The following MCMBP variants were observed in gnomAD, a reference collection of about 807,000 sequenced individuals.
The protein encoded by MCMBP is minichromosome maintenance complex binding protein.
In MCMBP, 31 loss-of-function variants were observed where a neutral mutation model predicts 81.3. The ratio of observed to expected loss-of-function variants is 0.38; its 90% CI spans 0.29 to 0.51. The LOEUF (loss-of-function observed/expected upper bound fraction) is 0.51. Ranked by LOEUF, MCMBP falls within the 20% of genes least tolerant of loss-of-function variation. The probability of loss-of-function intolerance (pLI) is 0.87; values close to 1 mark genes in which losing one functional copy is unlikely to be tolerated. For missense variants in MCMBP, 645 were observed against 772.1 expected (o/e 0.84, Z 1.95); for synonymous variants, 267 against 275.9 (o/e 0.97, Z 0.32).
intron 1 of MCMBP, among the ~76,000 whole-genome samples, chr10:119,870,160 T>A (rs1477817836): frequency 6.6e-6 from 1 of 152,158 alleles, no homozygotes; most frequent in African/African-American, 2.4e-5. Flanking sequence ...AAGGGAAAAA[T>A]TCAGGCTGCT....
chr10:119,829,987 A>G lies in MCMBP; in HGVS notation c.*1487T>C, dbSNP rs1420514658. The G allele has an allele frequency of 6.6e-6, 1 of 152,648 alleles. No homozygotes were observed. The highest frequency in any genetic ancestry group is 1.5e-5 in the Non-Finnish European group (1 of 68,038). The allele number at this position is 152,648 out of a possible 1,614,324, so 9.5% of individuals were successfully genotyped here. A position where few individuals can be genotyped will look rare whatever the true frequency, so the allele number is the denominator to read the frequency against. On this transcript the variant is annotated 3_prime_UTR_variant, in exon 16 of 16. Transcript: ENST00000369077. Reference sequence around the variant, plus strand: ...TCCTCACAAATCCAGTGAAGCCTTCATTTTATTTCTAAAAGTTTAAGGAAG... The same window carrying G: ...TCCTCACAAATCCAGTGAAGCCTTCGTTTTATTTCTAAAAGTTTAAGGAAG...
rs778944628 is a variant in MCMBP at position 119,849,428 on chromosome 10, C to T, written c.723G>A (p.Val241=). ...GATCTACGAAAGGTTTTATTACCTTCACAAGGCATGCAGGGCCCTTCTCTC... is the reference window on the plus strand; with the variant it reads ...GATCTACGAAAGGTTTTATTACCTTTACAAGGCATGCAGGGCCCTTCTCTC... ...LPGEKGPACL[V]KVYEDWDCFK... Residue 241 remains valine (V), a synonymous_variant, in exon 7 of 16, where the codon GTG becomes GTA. Transcript: ENST00000369077. 6.2e-7 allele frequency: 1 copy of T among 1,607,866 alleles called. No homozygotes were observed. The highest frequency in any genetic ancestry group is 8.5e-7 in the Non-Finnish European group (1 of 1,178,244).
intron 5 of MCMBP, 129 bp downstream of exon 5, chr10:119,857,209 G>A: frequency 1.7e-6 from 1 of 579,170 alleles, no homozygotes; most frequent in East Asian, 3.0e-5. Flanking sequence ...CCCGTTTTAT[G>A]GGTTTTCTCA....
At chr10:119,837,299 A>T (rs1852282492) in intron 12 of MCMBP, among the ~76,000 whole-genome samples, 1 of 152,130 alleles carries the variant, frequency 6.6e-6, no homozygotes, top group African/African-American at 2.4e-5. Context: ...CCCAAGTATG[A>T]TTATTTCTAA....
At chr10:119,872,203 G>A (rs1204999747) in intron 1 of MCMBP, among the ~76,000 whole-genome samples, 1 of 152,044 alleles carries the variant, frequency 6.6e-6, no homozygotes, top group African/African-American at 2.4e-5. Flanking sequence ...GCCCGGGGCC[G>A]GGGCCCTGGC....
At chr10:119,862,507 C>T (rs181760111) in intron 1 of MCMBP, among the ~76,000 whole-genome samples, 1 of 152,262 alleles carries the variant, frequency 6.6e-6, no homozygotes, top group Admixed American at 6.5e-5. Flanking sequence ...ATAGGACTCC[C>T]CAACACATTT....
chr10:119,842,770 T>A, intron 9 of MCMBP, 175 bp from the exon 10 acceptor site: 1 of 526,612 alleles, frequency 1.9e-6, no homozygotes, highest in East Asian at 4.4e-5. Flanking sequence ...CATCCTCCTT[T>A]TTTTTTTTTT....
chr10:119,842,667 A>G (rs1294330929), intron 9 of MCMBP, 72 bp from the exon 10 acceptor site: 1 of 1,527,176 alleles, frequency 6.5e-7, no homozygotes, highest in East Asian at 2.3e-5. Context: ...GTAAAAAAAT[A>G]ACTACGTGAG....
At position 119,832,037 on chromosome 10, in the gene MCMBP, G is replaced by A; in HGVS notation, c.1771C>T (p.Leu591Phe). 1.9e-6 allele frequency: 3 copies of A among 1,612,640 alleles called. No homozygotes were observed. The highest frequency in any genetic ancestry group is 1.7e-4 in the Middle Eastern group (1 of 6,054). Residue 591 changes from leucine (L) to phenylalanine (F), a missense_variant, in exon 15 of 16, where the codon CTT (leucine) becomes TTT (phenylalanine). Leu to Phe is a conservative substitution (Grantham distance 22). Transcript: ENST00000369077. Reference sequence around the variant, plus strand: ...CGAGCCACCACGAGCAGCTGGTGAAGATCATCAGCAGTGATGCTCTGAGGG... The same window carrying A: ...CGAGCCACCACGAGCAGCTGGTGAAAATCATCAGCAGTGATGCTCTGAGGG... ...NDPQSITADDLHQLLVVARCL... is the reference protein window; with the variant it reads ...NDPQSITADDFHQLLVVARCL...
At chr10:119,836,752 TCA>T (rs1295427873) in intron 13 of MCMBP, 142 bp downstream of exon 13, 4 of 716,662 alleles carry the variant, frequency 5.6e-6, no homozygotes, top group East Asian at 2.8e-5. Flanking sequence ...TGATCAGCAG[TCA>T]CAGTTTTTTT....
chr10:119,854,532 C>G (rs1282554856), intron 5 of MCMBP, among the ~76,000 whole-genome samples: 1 of 122,644 alleles, frequency 8.2e-6, no homozygotes, highest in Non-Finnish European at 1.7e-5. Context: ...GGGAGAGACC[C>G]TGTCTCAAAA....
intron 1 of MCMBP, among the ~76,000 whole-genome samples, chr10:119,861,819 C>A (rs1853264045): frequency 6.6e-6 from 1 of 152,100 alleles, no homozygotes; most frequent in Non-Finnish European, 1.5e-5. Flanking sequence ...TGGCTCACTG[C>A]AACCTTAATT....
Position 119,847,643 on chromosome 10 carries a change from G to C in MCMBP, c.797C>G (p.Pro266Arg), listed in dbSNP as rs751842529. 6.2e-7 allele frequency: 1 copy of C among 1,610,516 alleles called. No homozygotes were observed. Among genetic ancestry groups the C allele is most frequent in the South Asian group, 1.1e-5 (1 of 90,914 alleles). The change falls in exon 8 of 16, where the codon CCT becomes CGT. Residue 266 changes from proline to arginine, a missense_variant. Coordinates refer to ENST00000369077, the MANE Select transcript of MCMBP (RefSeq NM_001256378.2). ...ATCATTATTCAGTATACTCAGCACA[G>C]GATCCACAGACAGTATGCCATATAG... ...LELYGILSVD[P>R]VLSILNNDER...
intron 1 of MCMBP, among the ~76,000 whole-genome samples, chr10:119,866,129 C>T (rs1853441335): frequency 6.6e-6 from 1 of 150,870 alleles, no homozygotes; most frequent in Non-Finnish European, 1.5e-5. Flanking sequence ...CTGATGCATA[C>T]TATGACATGG....
At chr10:119,843,879 C>G (rs1852524775) in intron 8 of MCMBP, among the ~76,000 whole-genome samples, 1 of 152,126 alleles carries the variant, frequency 6.6e-6, no homozygotes, top group African/African-American at 2.4e-5. Flanking sequence ...CCAGGCTGGT[C>G]TCGAACTCCT....
chr10:119,868,472 C>A lies in MCMBP; in HGVS notation c.58+4055G>T, dbSNP rs73355897. Among the ~76,000 whole-genome samples, 1,019 of 152,256 alleles carry A rather than the reference C, an allele frequency of 6.7e-3. 11 individuals carry two copies. The highest frequency in any genetic ancestry group is 0.024 in the African/African-American group (977 of 41,530). On this transcript the variant is annotated intron_variant, in intron 1 of 15. Transcript: ENST00000369077. Reference sequence around the variant, plus strand: ...TTTTGAGATTTGTGATCTCACTAGCCATTTCAATTAACAACATTTCTGATT... The same window carrying A: ...TTTTGAGATTTGTGATCTCACTAGCAATTTCAATTAACAACATTTCTGATT...
chr10:119,835,838 T>TAA, intron 13 of MCMBP, 134 bp from the exon 14 acceptor site: 1 of 988,536 alleles, frequency 1.0e-6, no homozygotes, highest in African/African-American at 1.7e-5. Flanking sequence ...GAGGGAATAA[T>TAA]GTTTTTTTTT....
intron 14 of MCMBP, 131 bp downstream of exon 14, chr10:119,835,409 A>G (rs1304070674): frequency 7.4e-5 from 59 of 799,076 alleles, no homozygotes; most frequent in Non-Finnish European, 1.1e-4. Context: ...ATAATGGAGT[A>G]ACAGAGGAAT....
Position 119,859,867 on chromosome 10 carries a change from G to C in MCMBP, c.76C>G (p.Pro26Ala). 1.9e-6 allele frequency: 3 copies of C among 1,611,730 alleles called. No individual in the cohort carries two copies. The highest frequency in any genetic ancestry group is 2.5e-6 in the Non-Finnish European group (3 of 1,179,042). ...QGFFAQNGVNPDWEKKVIEYF... is the reference protein window; with the variant it reads ...QGFFAQNGVNADWEKKVIEYF... Reference sequence around the variant, plus strand: ...TCAATTACTTTCTTCTCCCAGTCAGGATTAACTCCATTTTGGGCTGAAAGA... The same window carrying C: ...TCAATTACTTTCTTCTCCCAGTCAGCATTAACTCCATTTTGGGCTGAAAGA... Residue 26 changes from proline (P) to alanine (A), a missense_variant, in exon 2 of 16, where the codon CCT becomes GCT. Transcript: ENST00000369077.
Sources: allele counts gnomAD v4.1 joint callset (sites outside exome capture counted in the v4.1 genomes callset), GRCh38; gene constraint gnomAD v4.1.1; transcripts MANE v1.5; gene names NCBI Gene and HGNC (gene_info 2026-07-23, HGNC 2026-07-21).